VEGFC: variants seen among roughly 807,000 people sequenced by gnomAD.
VEGFC encodes vascular endothelial growth factor C.
VEGFC carries 12 observed loss-of-function variants against 46.1 expected under a neutral mutation model. The ratio of observed to expected loss-of-function variants is 0.26; its 90% confidence interval spans 0.17 to 0.42. The LOEUF is 0.42. Ranked by LOEUF, VEGFC falls within the 10% of genes least tolerant of loss-of-function variation. The pLI is 1.00. For missense variants in VEGFC, 488 were observed against 529.4 expected, an observed-to-expected ratio of 0.92 and a Z score of 0.77; for synonymous variants, 232 against 195.5, an observed-to-expected ratio of 1.19 and a Z score of -1.56.
intron 3 of VEGFC, among the ~76,000 whole-genome samples, chr4:176,726,304 A>G (rs1396108630): frequency 6.6e-6 from 1 of 152,122 alleles, no homozygotes; most frequent in East Asian, 1.9e-4. Flanking sequence ...AACGACCCCT[A>G]CATTATTTTG....
chr4:176,760,832 G>A (rs1045556496), intron 1 of VEGFC, among the ~76,000 whole-genome samples: 2 of 152,120 alleles, frequency 1.3e-5, no homozygotes, highest in Non-Finnish European at 2.9e-5. Flanking sequence ...GAAGAAATGC[G>A]ATATTGAGGG....
intron 3 of VEGFC, among the ~76,000 whole-genome samples, chr4:176,719,823 G>A (rs1734753729): frequency 6.6e-6 from 1 of 152,152 alleles, no homozygotes. Context: ...CACATTGGGT[G>A]GCCGAGGCGA....
chr4:176,711,502 G>A lies in VEGFC; in HGVS notation c.701C>T (p.Pro234Leu). ...IIRRSLPATL[P>L]QCQAANKTCP... ...AATAGATTTAATTCATACTCACTGT[G>A]GTAGTGTTGCTGGCAGGGAACGTCT... The change falls in exon 4 of 7, where the codon CCA becomes CTA. Residue 234 changes from proline (P) to leucine (L), a missense_variant. Coordinates refer to ENST00000618562, the MANE Select transcript of VEGFC (RefSeq NM_005429.5). The A allele has an allele frequency of 6.2e-7, 1 of 1,611,980 alleles. No homozygotes were observed. The highest frequency in any genetic ancestry group is 8.5e-7 in the Non-Finnish European group (1 of 1,178,958).
chr4:176,772,490 G>A (rs956699520), intron 1 of VEGFC, among the ~76,000 whole-genome samples: 23 of 152,150 alleles, frequency 1.5e-4, no homozygotes, highest in Non-Finnish European at 2.4e-4. Flanking sequence ...GTACATCAAC[G>A]TTGCAAACAA....
chr4:176,775,095 T>A (rs1283589423), intron 1 of VEGFC, among the ~76,000 whole-genome samples: 1 of 152,142 alleles, frequency 6.6e-6, no homozygotes, highest in African/African-American at 2.4e-5. Flanking sequence ...CAGAAGTGAC[T>A]TTTAGATATT....
intron 1 of VEGFC, among the ~76,000 whole-genome samples, chr4:176,738,413 C>T (rs1020991740): frequency 6.6e-6 from 1 of 152,058 alleles, no homozygotes; most frequent in Non-Finnish European, 1.5e-5. Flanking sequence ...CTACAACCAT[C>T]TGACTTTTGA....
intron 1 of VEGFC, among the ~76,000 whole-genome samples, chr4:176,738,498 C>T (rs987081414): frequency 6.6e-6 from 1 of 151,876 alleles, no homozygotes; most frequent in African/African-American, 2.4e-5. Flanking sequence ...TGGCTAGCCA[C>T]ATGCAGAAAA....
In VEGFC at chr4:176,687,852, T is replaced by C. The variant is rs1291357207; in HGVS notation, c.780A>G (p.Glu260=). The change falls in exon 5 of 7, where the codon GAA becomes GAG. Residue 260 remains glutamate (E), a synonymous_variant. Coordinates refer to ENST00000618562, the MANE Select transcript of VEGFC (RefSeq NM_005429.5). The part of the protein sequence containing the change: ...NNHICRCLAQ[E]DFMFSSDAGD... ...CAGCATCCGAGGAAAACATAAAATC[T>C]TCCTGAGCCAGGCATCTGCAGATGT... The C allele has an allele frequency of 5.0e-6, 8 of 1,613,368 alleles. No homozygotes were observed. The highest frequency in any genetic ancestry group is 6.8e-6 in the Non-Finnish European group (8 of 1,179,704).
At chr4:176,740,276 T>C (rs1456806392) in intron 1 of VEGFC, among the ~76,000 whole-genome samples, 3 of 120,216 alleles carry the variant, frequency 2.5e-5, no homozygotes, top group Admixed American at 1.9e-4. Flanking sequence ...CTATATATTC[T>C]CTATATAGAG....
chr4:176,760,459 C>A (rs1173804745), intron 1 of VEGFC, among the ~76,000 whole-genome samples: 1 of 152,132 alleles, frequency 6.6e-6, no homozygotes, highest in African/African-American at 2.4e-5. Flanking sequence ...TCAAGCCTCG[C>A]TAAAATATCT....
intron 1 of VEGFC, among the ~76,000 whole-genome samples, chr4:176,789,666 T>C (rs1459695567): frequency 6.6e-6 from 1 of 152,240 alleles, no homozygotes; most frequent in Non-Finnish European, 1.5e-5. Flanking sequence ...TTAACATCCT[T>C]CAGAGAAACA....
At chr4:176,720,337 G>A (rs1205614144) in intron 3 of VEGFC, among the ~76,000 whole-genome samples, 3 of 152,080 alleles carry the variant, frequency 2.0e-5, no homozygotes, top group African/African-American at 7.2e-5. Context: ...TTTTAGAATT[G>A]TACATCAAAC....
At chr4:176,740,099 CATATATTCTAT>C (rs1735135683) in intron 1 of VEGFC, among the ~76,000 whole-genome samples, 1 of 13,850 alleles carries the variant, frequency 7.2e-5, no homozygotes, top group Non-Finnish European at 6.9e-4. Context: ...ATATTCTATA[CATATATTCTAT>C]ATATATATTC....
In VEGFC at chr4:176,712,375, C is replaced by T. The variant is rs532671667; in HGVS notation, c.553-725G>A. On this transcript the variant is annotated intron_variant, in intron 3 of 6. Coordinates refer to ENST00000618562, the MANE Select transcript of VEGFC (RefSeq NM_005429.5). ...TTAGTTTAACTGGTCTCCTTCTGAACGCCTTATTTATGGATCAAGAACTTC... is the reference window on the plus strand; with the variant it reads ...TTAGTTTAACTGGTCTCCTTCTGAATGCCTTATTTATGGATCAAGAACTTC... 5.4e-4 allele frequency among the ~76,000 whole-genome samples: 82 copies of T among 152,268 alleles called. No individual in the cohort carries two copies. In the South Asian group the frequency reaches 6.2e-3, roughly 12 times the overall value.
chr4:176,691,934 G>A (rs1206077950), intron 4 of VEGFC, among the ~76,000 whole-genome samples: 1 of 152,142 alleles, frequency 6.6e-6, no homozygotes, highest in Non-Finnish European at 1.5e-5. Flanking sequence ...GCAGGTCAGT[G>A]GGTGCACGCA....
chr4:176,792,067 C>A lies in VEGFC; in HGVS notation c.147+98G>T. ...TAACTTTGGATCCCACGTACACAAG[C>A]TTAAAGCACACACACTTTCCCCCGC... On this transcript the variant is annotated intron_variant, in intron 1 of 6. Transcript: ENST00000618562. This position sits in a 1 kb window ranked among gnomAD's most constrained non-coding sequence, Gnocchi z 6.3. The A allele has an allele frequency of 7.3e-7, 1 of 1,376,948 alleles. No individual in the cohort carries two copies. Among genetic ancestry groups the A allele is most frequent in the Admixed American group, 3.2e-5 (1 of 31,022 alleles). 85.3% of individuals were successfully genotyped at this position (1,376,948 alleles called of 1,614,324 possible). A position where few individuals can be genotyped will look rare whatever the true frequency, so the allele number is the denominator to read the frequency against.
At chr4:176,775,817 TCA>T (rs1214829858) in intron 1 of VEGFC, among the ~76,000 whole-genome samples, 1 of 152,178 alleles carries the variant, frequency 6.6e-6, no homozygotes, top group African/African-American at 2.4e-5. Flanking sequence ...TTGTCCTCTC[TCA>T]GTTCTTTCTA....
At chr4:176,722,655 T>C (rs926479273) in intron 3 of VEGFC, among the ~76,000 whole-genome samples, 4 of 152,004 alleles carry the variant, frequency 2.6e-5, no homozygotes, top group African/African-American at 9.7e-5. Context: ...CACAACACCA[T>C]GCCTGGCTAA....
At chr4:176,723,994 T>G (rs1246513319) in intron 3 of VEGFC, among the ~76,000 whole-genome samples, 1 of 152,172 alleles carries the variant, frequency 6.6e-6, no homozygotes, top group African/African-American at 2.4e-5. Context: ...TAAACTCATG[T>G]CATGGGGGTT....
Sources: allele counts gnomAD v4.1 joint callset (sites outside exome capture counted in the v4.1 genomes callset), GRCh38; gene constraint gnomAD v4.1.1; non-coding constraint Gnocchi (gnomAD v3.1); transcripts MANE v1.5; gene names NCBI Gene and HGNC (gene_info 2026-07-23, HGNC 2026-07-21).